ADAMTSL1: variants seen among roughly 807,000 people sequenced by gnomAD.
ADAMTSL1 encodes the protein ADAMTS like 1.
In ADAMTSL1, 126 loss-of-function variants were observed where a neutral mutation model predicts 201.8. The observed-to-expected ratio is 0.62, with a 90% confidence interval of 0.54 to 0.72. The LOEUF (loss-of-function observed/expected upper bound fraction) is 0.72. Ranked by LOEUF, ADAMTSL1 falls within the 30% of genes least tolerant of loss-of-function variation. ADAMTSL1 has a pLI of 0.00. For missense variants in ADAMTSL1, 2,679 were observed against 2,277.8 expected (o/e 1.18, Z -3.59); for synonymous variants, 1,121 against 903.4 (o/e 1.24, Z -4.32).
At chr9:17,951,377 A>AT (rs1563915726) in intron 1 of ADAMTSL1, among the ~76,000 whole-genome samples, 3 of 151,886 alleles carry the variant, frequency 2.0e-5, no homozygotes, top group African/African-American at 7.3e-5. Context: ...TTGGCATACA[A>AT]TTTTTTTTAA....
At chr9:18,880,488 C>G (rs1828458354) in intron 23 of ADAMTSL1, among the ~76,000 whole-genome samples, 1 of 152,176 alleles carries the variant, frequency 6.6e-6, no homozygotes, top group Non-Finnish European at 1.5e-5. Context: ...CATCAGAAGT[C>G]TTGGGTAGAC....
chr9:18,696,122 C>T (rs1299990998), intron 13 of ADAMTSL1, among the ~76,000 whole-genome samples: 3 of 152,208 alleles, frequency 2.0e-5, no homozygotes, highest in African/African-American at 7.2e-5. Flanking sequence ...TCACCTCCCA[C>T]CAGGTCCCTC....
chr9:18,745,491 TA>T (rs1311790231), intron 15 of ADAMTSL1, among the ~76,000 whole-genome samples: 1 of 152,212 alleles, frequency 6.6e-6, no homozygotes, highest in African/African-American at 2.4e-5. Flanking sequence ...GCTCATTTTT[TA>T]TTCTCCCAAT....
At chr9:18,315,012 G>A (rs958880338) in intron 2 of ADAMTSL1, among the ~76,000 whole-genome samples, 3 of 148,600 alleles carry the variant, frequency 2.0e-5, no homozygotes, top group African/African-American at 7.3e-5. Flanking sequence ...TAGCCAGGAT[G>A]GTCTCGATCT....
At chr9:18,681,714 G>GGGGGGGGAA (rs1564146020) in intron 11 of ADAMTSL1, 98 bp from the exon 12 acceptor site, 1 of 884,448 alleles carries the variant, frequency 1.1e-6, no homozygotes, top group African/African-American at 3.3e-5. Flanking sequence ...GGGGGGCGGG[G>GGGGGGGGAA]AAAAAGAAAA....
chr9:17,928,177 T>C (rs1026656014), intron 1 of ADAMTSL1, among the ~76,000 whole-genome samples: 3 of 151,998 alleles, frequency 2.0e-5, no homozygotes, highest in African/African-American at 7.2e-5. Flanking sequence ...TTTGTGTTTT[T>C]AGTAGAGACA....
Position 18,706,844 on chromosome 9 carries a change from T to A in ADAMTSL1, c.1672T>A (p.Ser558Thr). 6.2e-7 allele frequency: 1 copy of A among 1,612,914 alleles called. No individual in the cohort carries two copies. Among genetic ancestry groups the A allele is most frequent in the Non-Finnish European group, 8.5e-7 (1 of 1,179,390 alleles). ...CCAGGTGCTCCTGTCTTTCTCTCAG[T>A]CCGTGGCTGACCTGCCTATTGACGA... ...RCQVLLSFSQ[S>T]VADLPIDECE... Residue 558 changes from serine (S) to threonine (T), a missense_variant, in exon 14 of 29, where the codon TCC becomes ACC. Physicochemically the swap from Ser to Thr is moderately conservative, Grantham distance 58. Transcript: ENST00000380548.
intron 1 of ADAMTSL1, among the ~76,000 whole-genome samples, chr9:17,920,415 A>G (rs774200848): frequency 2.0e-5 from 3 of 152,210 alleles, no homozygotes; most frequent in Non-Finnish European, 4.4e-5. Context: ...AGAAAATAAA[A>G]TGTGTATGAA....
chr9:18,708,660 G>C (rs1259682667), intron 14 of ADAMTSL1, among the ~76,000 whole-genome samples: 1 of 152,188 alleles, frequency 6.6e-6, no homozygotes, highest in Non-Finnish European at 1.5e-5. Context: ...TCAGATGGTT[G>C]TGCTTTCATC....
chr9:17,916,161 T>G (rs1826085279), intron 1 of ADAMTSL1, among the ~76,000 whole-genome samples: 2 of 152,226 alleles, frequency 1.3e-5, no homozygotes, highest in South Asian at 4.1e-4. Flanking sequence ...CCTCAAGTGG[T>G]CTGCTCACTT....
At chr9:18,742,376 A>T (rs1303052376) in intron 15 of ADAMTSL1, among the ~76,000 whole-genome samples, 1 of 152,212 alleles carries the variant, frequency 6.6e-6, no homozygotes, top group Admixed American at 6.5e-5. Flanking sequence ...ACTTGATCCT[A>T]AATCTTAAAT....
intron 1 of ADAMTSL1, among the ~76,000 whole-genome samples, chr9:18,042,708 A>C (rs554822435): frequency 1.3e-5 from 2 of 152,096 alleles, no homozygotes; most frequent in African/African-American, 4.8e-5. Flanking sequence ...ATGGAAAGTT[A>C]TATTTTGTGG....
chr9:18,106,654 T>C (rs1045503479), intron 1 of ADAMTSL1, among the ~76,000 whole-genome samples: 1 of 152,244 alleles, frequency 6.6e-6, no homozygotes, highest in Non-Finnish European at 1.5e-5. Context: ...GGAATCTACG[T>C]AATCTCTTCT....
chr9:18,702,321 C>A (rs1831970558), intron 13 of ADAMTSL1, among the ~76,000 whole-genome samples: 1 of 152,280 alleles, frequency 6.6e-6, no homozygotes. Flanking sequence ...TAGCTAATAT[C>A]TGTGGTGACA....
At chr9:18,158,668 T>G (rs887119986) in intron 1 of ADAMTSL1, among the ~76,000 whole-genome samples, 1 of 152,072 alleles carries the variant, frequency 6.6e-6, no homozygotes, top group Non-Finnish European at 1.5e-5. Flanking sequence ...TATTTTCATT[T>G]TTATTTAGAA....
chr9:18,505,375 A>C lies in ADAMTSL1; in HGVS notation c.191+419A>C, dbSNP rs1006477112. Among the ~76,000 whole-genome samples, 3 of 152,232 alleles carry C rather than the reference A, an allele frequency of 2.0e-5. No homozygotes were observed. The South Asian group carries it at 6.2e-4, about 31-fold the overall frequency. Reference sequence around the variant, plus strand: ...ACCAAGTACTTTGCAAGTGAATAACATATTGGTTTATTTTTGTAGATGTCC... The same window carrying C: ...ACCAAGTACTTTGCAAGTGAATAACCTATTGGTTTATTTTTGTAGATGTCC... On this transcript the variant is annotated intron_variant, in intron 2 of 28. Coordinates refer to ENST00000380548, the MANE Select transcript of ADAMTSL1 (RefSeq NM_001040272.6).
intron 2 of ADAMTSL1, among the ~76,000 whole-genome samples, chr9:18,362,944 T>A (rs1012685269): frequency 6.6e-6 from 1 of 152,212 alleles, no homozygotes; most frequent in Non-Finnish European, 1.5e-5. Flanking sequence ...CAGATAAGCA[T>A]AAGGTTGACA....
intron 2 of ADAMTSL1, among the ~76,000 whole-genome samples, chr9:18,314,463 A>G (rs1834280839): frequency 1.3e-5 from 2 of 151,848 alleles, no homozygotes; most frequent in Admixed American, 1.3e-4. Context: ...GATGCTGCAT[A>G]CTTTCGCGGT....
intron 6 of ADAMTSL1, 119 bp downstream of exon 6, chr9:18,636,136 G>T: frequency 2.4e-6 from 2 of 827,284 alleles, no homozygotes; most frequent in South Asian, 2.1e-5. Flanking sequence ...ATCATAATAT[G>T]ATATTTTGAG....
Sources: allele counts gnomAD v4.1 joint callset (sites outside exome capture counted in the v4.1 genomes callset), GRCh38; gene constraint gnomAD v4.1.1; transcripts MANE v1.5; gene names NCBI Gene and HGNC (gene_info 2026-07-23, HGNC 2026-07-21).